Variants in CRISPLD2 observed in about 807,000 individuals in gnomAD.
The protein encoded by CRISPLD2 is cysteine-rich secretory protein LCCL domain-containing 2.
Under a neutral mutation model 71.1 loss-of-function variants are expected in CRISPLD2, and 47 were observed. That is an observed-to-expected ratio of 0.66 (90% CI 0.52 to 0.84). The LOEUF (loss-of-function observed/expected upper bound fraction) is 0.84. Ranked by LOEUF, CRISPLD2 falls within the 40% of genes least tolerant of loss-of-function variation. CRISPLD2 has a pLI of 0.00. For synonymous variants in CRISPLD2, 317 were observed against 250.1 expected (o/e 1.27, Z -2.52); for missense variants, 830 against 651.1 (o/e 1.27, Z -2.99).
At chr16:84,823,905 C>G (rs1471915222) in intron 1 of CRISPLD2, among the ~76,000 whole-genome samples, 1 of 152,078 alleles carries the variant, frequency 6.6e-6, no homozygotes, top group African/African-American at 2.4e-5. Context: ...GGCAACATCC[C>G]AGGAAAAAAA....
At position 84,848,985 on chromosome 16, in the gene CRISPLD2, C is replaced by CAAA. The variant is rs11389223; in HGVS notation, c.360-384_360-382dup. On this transcript the variant is annotated intron_variant, in intron 3 of 14. Coordinates refer to ENST00000262424, the MANE Select transcript of CRISPLD2 (RefSeq NM_031476.4). ...TGGGCGACAGAGCGAGACTCCGTCT[C>CAAA]AAAAAAAAAAAAAAAAAAGAAAGGA... 3.2e-3 allele frequency among the ~76,000 whole-genome samples: 341 copies of CAAA among 106,664 alleles called. 4 individuals carry two copies. The highest frequency in any genetic ancestry group is 0.012 in the African/African-American group (319 of 25,946). The allele number at this position is 106,664 out of a possible 152,430, so 70.0% of individuals were successfully genotyped here.
rs1313173839 is a variant in CRISPLD2 at position 84,838,533 on chromosome 16, T to G, written c.38T>G (p.Leu13Arg). The change falls in exon 2 of 15, where the codon CTG becomes CGG. Residue 13 changes from leucine (L) to arginine (R), a missense_variant. Transcript: ENST00000262424. ...CVLGGVIPLG[L>R]LFLVCGSQGY... Reference sequence around the variant, plus strand: ...CTGGGTGGTGTCATCCCCTTGGGGCTGCTGTTCCTGGTCTGCGGATCCCAA... The same window carrying G: ...CTGGGTGGTGTCATCCCCTTGGGGCGGCTGTTCCTGGTCTGCGGATCCCAA... 6.2e-7 allele frequency: 1 copy of G among 1,614,070 alleles called. No homozygotes were observed. The highest frequency in any genetic ancestry group is 8.5e-7 in the Non-Finnish European group (1 of 1,180,034).
rs1257529463 is a variant in CRISPLD2, at chr16:84,873,973, C to T, written c.1156+10C>T. 1.3e-6 allele frequency: 2 copies of T among 1,599,724 alleles called. No individual in the cohort carries two copies. The highest frequency in any genetic ancestry group is 1.7e-6 in the Non-Finnish European group (2 of 1,175,392). On this transcript the variant is annotated intron_variant, in intron 11 of 14. Transcript: ENST00000262424. ...GTGTCAAAAGTGAAAGGTAAGCTAG[C>T]CAGTCTCTTTTGCGACCATAATACC...
rs983631825 is a variant in CRISPLD2 at position 84,822,871 on chromosome 16, C to A, written c.-75+2738C>A. On this transcript the variant is annotated intron_variant, in intron 1 of 14. Coordinates refer to ENST00000262424, the MANE Select transcript of CRISPLD2 (RefSeq NM_031476.4). ...GAAAAGATGTATTGTGGTAAAAATA[C>A]ACATAAACATAAAATTTACCATTTA... 5.3e-5 allele frequency among the ~76,000 whole-genome samples: 8 copies of A among 152,250 alleles called. No individual in the cohort carries two copies. In the South Asian group the frequency reaches 1.5e-3, roughly 28 times the overall value.
intron 3 of CRISPLD2, among the ~76,000 whole-genome samples, chr16:84,848,121 G>A (rs867181914): frequency 1.3e-5 from 2 of 152,130 alleles, no homozygotes; most frequent in African/African-American, 2.4e-5. Context: ...ATGGCCCCCC[G>A]GGGCAGCCGC....
intron 5 of CRISPLD2, among the ~76,000 whole-genome samples, chr16:84,854,446 A>AG (rs1917176385): frequency 6.6e-6 from 1 of 151,998 alleles, no homozygotes; most frequent in Non-Finnish European, 1.5e-5. Flanking sequence ...TGTTGGTGGA[A>AG]GGGGGGCCAC....
At position 84,849,468 on chromosome 16, in the gene CRISPLD2, C is replaced by G; in HGVS notation, c.443C>G (p.Pro148Arg). ...TACCCCTACCCGAGCGAGTGCAACC[C>G]CTGGTGTCCAGAGAGGTGCTCGGGG... ...YTYPYPSECN[P>R]WCPERCSGPM... The change falls in exon 4 of 15, where the codon CCC becomes CGC. Residue 148 changes from proline to arginine, a missense_variant. By Grantham distance (103) the Pro-to-Arg change is moderately radical. Transcript: ENST00000262424. 2 of 1,614,122 alleles carry G rather than the reference C, an allele frequency of 1.2e-6. No homozygotes were observed. Among genetic ancestry groups the G allele is most frequent in the South Asian group, 1.1e-5 (1 of 91,084 alleles).
intron 3 of CRISPLD2, among the ~76,000 whole-genome samples, chr16:84,848,468 A>T (rs1916977538): frequency 6.6e-6 from 1 of 151,478 alleles, no homozygotes; most frequent in Admixed American, 6.6e-5. Flanking sequence ...ATTAAAAAAA[A>T]AAAAAATGGT....
chr16:84,832,375 A>G (rs1315567506), intron 1 of CRISPLD2, among the ~76,000 whole-genome samples: 1 of 152,284 alleles, frequency 6.6e-6, no homozygotes, highest in East Asian at 1.9e-4. Context: ...AATTGAACCC[A>G]GGTCTCTCTT....
In CRISPLD2 at chr16:84,849,417, G is replaced by C; in HGVS notation, c.392G>C (p.Trp131Ser). Residue 131 changes from tryptophan to serine, a missense_variant, in exon 4 of 15, where the codon TGG (tryptophan) becomes TCG (serine). Trp to Ser is a radical substitution (Grantham distance 177, BLOSUM62 -3). Transcript: ENST00000262424. ...YRSPGFHVQS[W>S]YDEVKDYTYP... ...TCTCCGGGGTTCCATGTGCAGTCCTGGTATGACGAGGTGAAGGACTACACC... is the reference window on the plus strand; with the variant it reads ...TCTCCGGGGTTCCATGTGCAGTCCTCGTATGACGAGGTGAAGGACTACACC... 1.2e-6 allele frequency: 2 copies of C among 1,614,118 alleles called. No homozygotes were observed. Among genetic ancestry groups the C allele is most frequent in the Non-Finnish European group, 1.7e-6 (2 of 1,180,000 alleles).
intron 3 of CRISPLD2, among the ~76,000 whole-genome samples, chr16:84,846,545 C>T (rs1012067935): frequency 6.6e-6 from 1 of 152,086 alleles, no homozygotes; most frequent in Non-Finnish European, 1.5e-5. Context: ...TGAGCCACCG[C>T]GCCTGGCCTG....
chr16:84,887,685 T>A (rs1006635588), intron 13 of CRISPLD2, among the ~76,000 whole-genome samples: 4 of 152,188 alleles, frequency 2.6e-5, no homozygotes, highest in Non-Finnish European at 5.9e-5. Context: ...GACACCAGCC[T>A]GACCAATATG....
chr16:84,864,750 C>T (rs1052895381), intron 6 of CRISPLD2, among the ~76,000 whole-genome samples: 6 of 152,192 alleles, frequency 3.9e-5, no homozygotes, highest in African/African-American at 1.4e-4. Flanking sequence ...GGCAGGCTGG[C>T]CCCTGGCCTC....
At chr16:84,839,007 T>G in intron 2 of CRISPLD2, 1 of 571,534 alleles carries the variant, frequency 1.7e-6, no homozygotes, top group Non-Finnish European at 3.3e-6. Flanking sequence ...TGCTTCAGCC[T>G]CCCAAGTAGC....
chr16:84,831,929 T>C (rs754594276), intron 1 of CRISPLD2, among the ~76,000 whole-genome samples: 3 of 152,114 alleles, frequency 2.0e-5, no homozygotes, highest in Non-Finnish European at 2.9e-5. Context: ...AAGATGGGGT[T>C]TCACCACATT....
rs1241379577 is a variant in CRISPLD2 at position 84,904,899 on chromosome 16, G to C, written c.1440-1689G>C. Among the ~76,000 whole-genome samples, 7 of 152,290 alleles carry C rather than the reference G, an allele frequency of 4.6e-5. No homozygotes were observed. The East Asian group carries it at 1.4e-3, about 29-fold the overall frequency. ...AATCCTTCATGACCTTGGATGGTTTGCTAGATATGACGCCAAAAGCACAAT... is the reference window on the plus strand; with the variant it reads ...AATCCTTCATGACCTTGGATGGTTTCCTAGATATGACGCCAAAAGCACAAT... On this transcript the variant is annotated intron_variant, in intron 14 of 14. Coordinates refer to ENST00000262424, the MANE Select transcript of CRISPLD2 (RefSeq NM_031476.4).
chr16:84,855,753 C>T (rs1179595777), intron 6 of CRISPLD2, among the ~76,000 whole-genome samples: 5 of 152,186 alleles, frequency 3.3e-5, no homozygotes, highest in Admixed American at 2.0e-4. Flanking sequence ...ACATAATCTT[C>T]AAATAAAGAC....
At chr16:84,880,665 T>G in intron 13 of CRISPLD2, 81 bp downstream of exon 13, 3 of 980,256 alleles carry the variant, frequency 3.1e-6, no homozygotes, top group Non-Finnish European at 3.2e-6. Flanking sequence ...TCTGGATACT[T>G]GAAACTTTAT....
At chr16:84,883,097 A>C (rs1214900177) in intron 13 of CRISPLD2, among the ~76,000 whole-genome samples, 1 of 152,206 alleles carries the variant, frequency 6.6e-6, no homozygotes, top group Non-Finnish European at 1.5e-5. Context: ...AAGATACTGC[A>C]GTACTCAGTA....
Sources: allele counts gnomAD v4.1 joint callset (sites outside exome capture counted in the v4.1 genomes callset), GRCh38; gene constraint gnomAD v4.1.1; transcripts MANE v1.5; gene names NCBI Gene and HGNC (gene_info 2026-07-23, HGNC 2026-07-21).